UNC13A: variants seen among roughly 807,000 people sequenced by gnomAD.
The protein encoded by UNC13A is protein unc-13 homolog A.
In UNC13A, 61 loss-of-function variants were observed where a neutral mutation model predicts 219.7. The observed-to-expected ratio is 0.28, with a 90% CI of 0.23 to 0.34. The LOEUF (loss-of-function observed/expected upper bound fraction) is 0.34. Among genes scored for constraint, UNC13A ranks in the 10% least tolerant of loss-of-function variants. UNC13A has a pLI of 1.00. For missense variants in UNC13A, 1,476 were observed against 2,270.3 expected (o/e 0.65, Z 7.11); for synonymous variants, 920 against 884.6 (o/e 1.04, Z -0.71).
chr19:17,645,573 A>T, intron 19 of UNC13A, 101 bp downstream of exon 19: 1 of 1,523,386 alleles, frequency 6.6e-7, no homozygotes, highest in Admixed American at 2.0e-5. Context: ...CCTCGACCAA[A>T]CTCCTCCTGA....
At position 17,606,060 on chromosome 19, in the gene UNC13A, C is replaced by A; in HGVS notation, c.5106G>T (p.Ala1702=). The change falls in exon 44 of 44, where the codon GCG becomes GCT. Residue 1702 remains alanine (A), a synonymous_variant. Coordinates refer to ENST00000519716, the MANE Select transcript of UNC13A (RefSeq NM_001080421.3). ...RSAEEGGAAP[A]P ...GCTCGGCCGACCGCCCGCGCTAAGGCGCAGGCGCGGCACCGCCCTCCTCGG... is the reference window on the plus strand; with the variant it reads ...GCTCGGCCGACCGCCCGCGCTAAGGAGCAGGCGCGGCACCGCCCTCCTCGG... 6.4e-7 allele frequency: 1 copy of A among 1,561,788 alleles called. No individual in the cohort carries two copies. Among genetic ancestry groups the A allele is most frequent in the Non-Finnish European group, 8.6e-7 (1 of 1,158,584 alleles).
chr19:17,632,566 G>A (rs2076867910), intron 28 of UNC13A, among the ~76,000 whole-genome samples: 1 of 145,722 alleles, frequency 6.9e-6, no homozygotes, highest in Non-Finnish European at 1.5e-5. Flanking sequence ...AGGATAAAAT[G>A]AGAAAGTCAC....
chr19:17,627,946 G>A lies in UNC13A; in HGVS notation c.3754-6C>T. On this transcript the variant is annotated splice_region_variant and splice_polypyrimidine_tract_variant and intron_variant, in intron 31 of 43. Coordinates refer to ENST00000519716, the MANE Select transcript of UNC13A (RefSeq NM_001080421.3). The surrounding 1 kb of genome is among the most constrained non-coding windows in gnomAD (Gnocchi z 4.7). ...TTATTCATGAGAATGCAGGGCTGTG[G>A]GTGGGAACAGAGAGGGGAGTCAAGC... The A allele has an allele frequency of 1.3e-6, 2 of 1,586,498 alleles. No individual in the cohort carries two copies. The highest frequency in any genetic ancestry group is 2.3e-5 in the South Asian group (2 of 88,852).
At chr19:17,642,789 G>T in intron 20 of UNC13A, 56 bp downstream of exon 20, 1 of 1,436,386 alleles carries the variant, frequency 7.0e-7, no homozygotes, top group Non-Finnish European at 9.6e-7. Flanking sequence ...GAAGAGCTGG[G>T]CAGGCAGGAA....
intron 19 of UNC13A, among the ~76,000 whole-genome samples, chr19:17,643,672 T>G (rs1028699407): frequency 1.3e-5 from 2 of 152,294 alleles, no homozygotes; most frequent in Non-Finnish European, 2.9e-5. Context: ...CTCCCTAGGC[T>G]TGAGTCTCCC....
chr19:17,680,025 T>A (rs2079976492), intron 1 of UNC13A, among the ~76,000 whole-genome samples: 1 of 151,078 alleles, frequency 6.6e-6, no homozygotes, highest in Non-Finnish European at 1.5e-5. Flanking sequence ...TCACTGGGGC[T>A]CCCAGTGGGA....
intron 7 of UNC13A, among the ~76,000 whole-genome samples, chr19:17,665,334 C>T (rs1208166275): frequency 6.6e-6 from 1 of 152,160 alleles, no homozygotes; most frequent in East Asian, 1.9e-4. Context: ...TTCCCCTCCA[C>T]CACAGAGCAA....
chr19:17,644,194 G>T (rs1359651030), intron 19 of UNC13A, among the ~76,000 whole-genome samples: 2 of 151,958 alleles, frequency 1.3e-5, no homozygotes, highest in Non-Finnish European at 2.9e-5. Context: ...TTCTTGTGGT[G>T]GGGGGTCGGG....
rs148263991 is a variant in UNC13A at position 17,611,682 on chromosome 19, A to C, written c.4651+81T>G. 1.7e-4 allele frequency: 223 copies of C among 1,308,366 alleles called. 1 individual carries two copies. The East Asian group carries it at 4.4e-3, about 26-fold the overall frequency. 81.0% of individuals were successfully genotyped at this position (1,308,366 alleles called of 1,614,324 possible). A position where few individuals can be genotyped will look rare whatever the true frequency, so the allele number is the denominator to read the frequency against. ...ATGGACCATTAAACAACAACAACAA[A>C]AAAAGGGTGTTGCTTAAGCCAGTTT... On this transcript the variant is annotated intron_variant, in intron 42 of 43. Transcript: ENST00000519716.
chr19:17,657,722 A>G (rs539561117), intron 9 of UNC13A, among the ~76,000 whole-genome samples: 1 of 152,140 alleles, frequency 6.6e-6, no homozygotes, highest in East Asian at 1.9e-4. Context: ...AAAATAAATT[A>G]GCTTGGTGTG....
At chr19:17,654,825 AC>A in intron 11 of UNC13A, among the ~76,000 whole-genome samples, 1 of 152,198 alleles carries the variant, frequency 6.6e-6, no homozygotes, top group South Asian at 2.1e-4. Flanking sequence ...CCTAACCATG[AC>A]TTCAGCCCAG....
At chr19:17,648,028 C>T (rs1423035355) in intron 16 of UNC13A, among the ~76,000 whole-genome samples, 1 of 144,424 alleles carries the variant, frequency 6.9e-6, no homozygotes, top group East Asian at 2.1e-4. Flanking sequence ...CCAATCCCCC[C>T]CTCCACAGTC....
At chr19:17,669,344 C>T (rs1013656045) in intron 5 of UNC13A, among the ~76,000 whole-genome samples, 2 of 152,158 alleles carry the variant, frequency 1.3e-5, no homozygotes, top group African/African-American at 2.4e-5. Context: ...TGGGAAGCTA[C>T]GGGGCCCAGG....
At chr19:17,629,449 T>G in intron 30 of UNC13A, 126 bp from the exon 31 acceptor site, 1 of 754,876 alleles carries the variant, frequency 1.3e-6, no homozygotes, top group Non-Finnish European at 2.2e-6. Context: ...AGATGGGCCT[T>G]TGGGCTAGGC....
intron 4 of UNC13A, among the ~76,000 whole-genome samples, chr19:17,671,419 G>A (rs2079785372): frequency 6.6e-6 from 1 of 152,106 alleles, no homozygotes; most frequent in East Asian, 1.9e-4. Context: ...GGGTCAGCAT[G>A]GAGAGGTTGA....
chr19:17,648,332 T>TG, intron 16 of UNC13A, 99 bp downstream of exon 16: 15 of 415,700 alleles, frequency 3.6e-5, no homozygotes, highest in Non-Finnish European at 4.8e-5. Flanking sequence ...CGCCCCATGG[T>TG]GCCCCACCCA....
chr19:17,624,414 C>T (rs1039779961), intron 35 of UNC13A, among the ~76,000 whole-genome samples: 2 of 152,204 alleles, frequency 1.3e-5, no homozygotes, highest in Non-Finnish European at 2.9e-5. Context: ...GCCACGGTGC[C>T]TGGCCAATGT....
intron 10 of UNC13A, 61 bp from the exon 11 acceptor site, chr19:17,655,443 G>C: frequency 7.5e-7 from 1 of 1,327,806 alleles, no homozygotes; most frequent in Non-Finnish European, 1.0e-6. Flanking sequence ...AACTTCCCTT[G>C]ACCCTCCAGC....
chr19:17,673,517 A>G (rs1207966286), intron 3 of UNC13A, among the ~76,000 whole-genome samples: 3 of 150,782 alleles, frequency 2.0e-5, no homozygotes, highest in Non-Finnish European at 2.9e-5. Context: ...ACATGGTGAA[A>G]CCCGGTCTTT....
Sources: allele counts gnomAD v4.1 joint callset (sites outside exome capture counted in the v4.1 genomes callset), GRCh38; gene constraint gnomAD v4.1.1; non-coding constraint Gnocchi (gnomAD v3.1); transcripts MANE v1.5; gene names NCBI Gene and HGNC (gene_info 2026-07-23, HGNC 2026-07-21).